Variants in DLEU7 observed in about 807,000 individuals in gnomAD.
The protein encoded by DLEU7 is leukemia-associated protein 7.
Under a neutral mutation model 16.0 loss-of-function variants are expected in DLEU7, and 17 were observed. The ratio of observed to expected loss-of-function variants is 1.06; its 90% CI spans 0.73 to 1.59. DLEU7 has a LOEUF of 1.59. Among genes scored for constraint, DLEU7 ranks in the 40% most tolerant of loss-of-function variants. DLEU7 has a pLI of 0.00. For missense variants in DLEU7, 308 were observed against 314.9 expected (o/e 0.98, Z 0.17); for synonymous variants, 113 against 139.8 (o/e 0.81, Z 1.35).
intron 1 of DLEU7, among the ~76,000 whole-genome samples, chr13:50,838,535 T>C (rs1267977084): frequency 6.6e-6 from 1 of 152,266 alleles, no homozygotes; most frequent in African/African-American, 2.4e-5. Flanking sequence ...TGCACACTTC[T>C]ATGCTCCCTT....
chr13:50,740,591 T>G (rs1047861930), intron 1 of DLEU7, among the ~76,000 whole-genome samples: 9 of 152,158 alleles, frequency 5.9e-5, no homozygotes, highest in African/African-American at 1.9e-4. Context: ...ATCTATTTGC[T>G]GTCCTGGAAC....
At chr13:50,743,134 A>T (rs1382674520) in intron 1 of DLEU7, among the ~76,000 whole-genome samples, 1 of 151,114 alleles carries the variant, frequency 6.6e-6, no homozygotes, top group Non-Finnish European at 1.5e-5. Context: ...ATCTGTAAGA[A>T]AAAGAGAGAG....
intron 1 of DLEU7, among the ~76,000 whole-genome samples, chr13:50,767,606 G>A (rs1477464660): frequency 6.6e-6 from 1 of 152,168 alleles, no homozygotes; most frequent in African/African-American, 2.4e-5. Context: ...CCCCAGTGGA[G>A]CTCTAGCACC....
At chr13:50,745,193 A>G (rs1334461100) in intron 1 of DLEU7, among the ~76,000 whole-genome samples, 2 of 152,234 alleles carry the variant, frequency 1.3e-5, no homozygotes, top group African/African-American at 4.8e-5. Context: ...ATGAATAAAC[A>G]AAATGTGGCA....
At chr13:50,814,695 A>ACG (rs1424276974) in intron 1 of DLEU7, among the ~76,000 whole-genome samples, 13 of 149,382 alleles carry the variant, frequency 8.7e-5, no homozygotes, top group Non-Finnish European at 1.5e-4. Context: ...ACACACACAC[A>ACG]CACACACACA....
chr13:50,764,003 G>A (rs1172427631), intron 1 of DLEU7, among the ~76,000 whole-genome samples: 4 of 152,192 alleles, frequency 2.6e-5, no homozygotes, highest in Admixed American at 2.0e-4. Context: ...AGAGACAGGC[G>A]GAAAGGCTGT....
intron 1 of DLEU7, among the ~76,000 whole-genome samples, chr13:50,825,668 T>A (rs1877060066): frequency 6.6e-6 from 1 of 152,188 alleles, no homozygotes; most frequent in Admixed American, 6.5e-5. Flanking sequence ...AAGGCCTTCT[T>A]ATTTACTCTA....
intron 1 of DLEU7, among the ~76,000 whole-genome samples, chr13:50,766,183 C>A (rs1001230994): frequency 9.9e-5 from 15 of 152,138 alleles, no homozygotes; most frequent in African/African-American, 3.6e-4. Context: ...TTGATTAAGT[C>A]ATGTAAAAGC....
intron 1 of DLEU7, among the ~76,000 whole-genome samples, chr13:50,767,478 A>AAAAAAAAAAAT (rs1875156543): frequency 7.9e-6 from 1 of 126,244 alleles, no homozygotes; most frequent in African/African-American, 3.0e-5. Context: ...AAAAAAAAAA[A>AAAAAAAAAAAT]CTCCAGACAT....
chr13:50,833,207 G>T (rs148614384), intron 1 of DLEU7, among the ~76,000 whole-genome samples: 4 of 152,134 alleles, frequency 2.6e-5, no homozygotes, highest in African/African-American at 9.7e-5. Context: ...GGGCAATCAC[G>T]CAAGAGAAAG....
In DLEU7 at chr13:50,793,220, T is replaced by C. The variant is rs148255634; in HGVS notation, c.459+49968A>G. ...CAAAGGACATGATGTCATTCTTTTT[T>C]TTAATGACTGTGTAGTATTCCATGG... On this transcript the variant is annotated intron_variant, in intron 1 of 1. Transcript: ENST00000400393. 3.9e-5 allele frequency among the ~76,000 whole-genome samples: 6 copies of C among 152,356 alleles called. No homozygotes were observed. The East Asian group carries it at 1.2e-3, about 29-fold the overall frequency.
chr13:50,730,967 G>A (rs955509190), intron 1 of DLEU7, among the ~76,000 whole-genome samples: 1 of 152,076 alleles, frequency 6.6e-6, no homozygotes, highest in African/African-American at 2.4e-5. Context: ...AGGATCAGAG[G>A]CTACTCCTTT....
chr13:50,832,682 CTTTG>C (rs987881126), intron 1 of DLEU7, among the ~76,000 whole-genome samples: 1 of 152,214 alleles, frequency 6.6e-6, no homozygotes, highest in African/African-American at 2.4e-5. Context: ...TACATTGTAT[CTTTG>C]TTCTCATTGG....
intron 1 of DLEU7, among the ~76,000 whole-genome samples, chr13:50,792,610 C>T (rs377408167): frequency 1.4e-5 from 2 of 146,452 alleles, no homozygotes; most frequent in Non-Finnish European, 3.0e-5. Flanking sequence ...TATTCACTTC[C>T]GGGAACTGAA....
intron 1 of DLEU7, among the ~76,000 whole-genome samples, chr13:50,763,355 G>T (rs1311905073): frequency 2.6e-5 from 4 of 152,198 alleles, no homozygotes; most frequent in Non-Finnish European, 4.4e-5. Context: ...CAGGGCAGGA[G>T]AGCTGGCTGA....
At chr13:50,835,216 C>T (rs372343747) in intron 1 of DLEU7, among the ~76,000 whole-genome samples, 38 of 152,302 alleles carry the variant, frequency 2.5e-4, no homozygotes, top group Non-Finnish European at 3.8e-4. Flanking sequence ...TCAGAACTCA[C>T]TCATCAGACT....
intron 1 of DLEU7, among the ~76,000 whole-genome samples, chr13:50,831,243 G>T (rs1877256583): frequency 6.6e-6 from 1 of 152,110 alleles, no homozygotes; most frequent in African/African-American, 2.4e-5. Flanking sequence ...ATTTGCAATT[G>T]TTCAGTAGGA....
intron 1 of DLEU7, among the ~76,000 whole-genome samples, chr13:50,768,703 G>C (rs1875197019): frequency 6.6e-6 from 1 of 152,138 alleles, no homozygotes; most frequent in Non-Finnish European, 1.5e-5. Context: ...ATTTGGGTTG[G>C]TTCCAAGTCT....
At chr13:50,718,692 C>T (rs1291447639) in intron 1 of DLEU7, among the ~76,000 whole-genome samples, 1 of 152,184 alleles carries the variant, frequency 6.6e-6, no homozygotes, top group Non-Finnish European at 1.5e-5. Flanking sequence ...AAGAATATTT[C>T]CCCATTTTTA....
Sources: gnomAD v4.1 joint callset for allele counts (sites outside exome capture counted in the v4.1 genomes callset) on GRCh38, gnomAD v4.1.1 for gene constraint, MANE v1.5 for transcripts, NCBI Gene and HGNC (gene_info 2026-07-23, HGNC 2026-07-21) for gene names.